Variants in YIPF4 observed in about 807,000 individuals in gnomAD.
YIPF4 encodes the protein protein YIPF4.
Under a neutral mutation model 29.4 loss-of-function variants are expected in YIPF4, and 18 were observed. The observed-to-expected ratio is 0.61, with a 90% CI of 0.42 to 0.91. The LOEUF is 0.91. Ranked by LOEUF, YIPF4 falls within the 40% of genes least tolerant of loss-of-function variation. YIPF4 has a pLI of 0.00. For missense variants in YIPF4, 279 were observed against 282.7 expected (o/e 0.99, Z 0.09); for synonymous variants, 115 against 104.7 (o/e 1.10, Z -0.60).
chr2:32,303,968 C>T (rs2031490229), intron 5 of YIPF4, among the ~76,000 whole-genome samples: 2 of 152,072 alleles, frequency 1.3e-5, no homozygotes, highest in African/African-American at 4.8e-5. Flanking sequence ...AACTATTGTT[C>T]TGTGGTCATC....
intron 2 of YIPF4, among the ~76,000 whole-genome samples, chr2:32,291,284 C>G (rs565795040): frequency 6.6e-6 from 1 of 152,202 alleles, no homozygotes; most frequent in Admixed American, 6.5e-5. Flanking sequence ...CCAGTAATCC[C>G]GGCACTTTGG....
At chr2:32,298,415 A>G (rs1233773855) in intron 4 of YIPF4, 104 bp downstream of exon 4, 2 of 814,882 alleles carry the variant, frequency 2.5e-6, no homozygotes, top group Non-Finnish European at 3.9e-6. Flanking sequence ...CTTGTCCCAG[A>G]ATTGCTTTAT....
At chr2:32,278,333 C>G in intron 1 of YIPF4, 99 bp downstream of exon 1, 1 of 1,240,358 alleles carries the variant, frequency 8.1e-7, no homozygotes, top group Non-Finnish European at 1.1e-6. Context: ...CGGGTGGGGA[C>G]AGGCAGGAAG....
chr2:32,287,649 C>T (rs1181467809), intron 1 of YIPF4, among the ~76,000 whole-genome samples: 1 of 152,058 alleles, frequency 6.6e-6, no homozygotes, highest in East Asian at 1.9e-4. Context: ...AGAGAAAGGA[C>T]CCCATACCCA....
chr2:32,294,387 C>T lies in YIPF4; in HGVS notation c.405+2039C>T, dbSNP rs191980774. 1.8e-3 allele frequency among the ~76,000 whole-genome samples: 280 copies of T among 151,682 alleles called. 2 individuals are homozygous for T. The East Asian group carries it at 0.032, about 17-fold the overall frequency. ...GCAGAGATGCTCCTCACCTCCCAGA[C>T]GTGGTCGCGGCCGAGCAGAGGCGCT... On this transcript the variant is annotated intron_variant, in intron 3 of 5. Coordinates refer to ENST00000238831, the MANE Select transcript of YIPF4 (RefSeq NM_032312.4).
At position 32,309,575 on chromosome 2, in the gene YIPF4, A is replaced by G. The variant is rs1280267413; in HGVS notation, c.*3949A>G. Reference sequence around the variant, plus strand: ...TGTTGAATGAAATAATGCTTCTACAACTTAAAATTATTTTTCATAGTGAAC... The same window carrying G: ...TGTTGAATGAAATAATGCTTCTACAGCTTAAAATTATTTTTCATAGTGAAC... On this transcript the variant is annotated 3_prime_UTR_variant, in exon 6 of 6. Transcript: ENST00000238831. 1 of 152,220 alleles carries G rather than the reference A, an allele frequency of 6.6e-6. No individual in the cohort carries two copies. The highest frequency in any genetic ancestry group is 1.5e-5 in the Non-Finnish European group (1 of 68,038). 9.4% of individuals were successfully genotyped at this position (152,220 alleles called of 1,614,324 possible). A position where few individuals can be genotyped will look rare whatever the true frequency, so the allele number is the denominator to read the frequency against.
chr2:32,293,701 CGGCTGGCCGGGCGGGG>C (rs1249183441), intron 3 of YIPF4, among the ~76,000 whole-genome samples: 1 of 151,262 alleles, frequency 6.6e-6, no homozygotes, highest in Non-Finnish European at 1.5e-5. Flanking sequence ...CCGGAAGGGG[CGGCTGGCCGGGCGGGG>C]GGCTGACCCC....
intron 5 of YIPF4, among the ~76,000 whole-genome samples, chr2:32,304,587 T>C (rs2031514433): frequency 1.3e-5 from 2 of 152,122 alleles, no homozygotes; most frequent in African/African-American, 4.8e-5. Context: ...TTTTGAGGAG[T>C]GTGACTAGTA....
chr2:32,282,724 GC>G (rs2030482057), intron 1 of YIPF4, among the ~76,000 whole-genome samples: 1 of 151,866 alleles, frequency 6.6e-6, no homozygotes, highest in African/African-American at 2.4e-5. Context: ...GAGCCACTGT[GC>G]CCCGCCAACT....
At chr2:32,289,627 C>A (rs1351506292) in intron 1 of YIPF4, among the ~76,000 whole-genome samples, 1 of 152,018 alleles carries the variant, frequency 6.6e-6, no homozygotes, top group Non-Finnish European at 1.5e-5. Flanking sequence ...CCCTATGTGA[C>A]CTCAGGCAAA....
At position 32,306,478 on chromosome 2, in the gene YIPF4, C is replaced by T. The variant is rs2031585613; in HGVS notation, c.*852C>T. 3.1e-6 allele frequency: 3 copies of T among 983,416 alleles called. No individual in the cohort carries two copies. The South Asian group carries it at 1.4e-4, about 46-fold the overall frequency. The allele number at this position is 983,416 out of a possible 1,614,324, so 60.9% of individuals were successfully genotyped here. Reference sequence around the variant, plus strand: ...CAGTAAATATTTTTAAGTGGTACTTCTAAATCATAAAAGTTGGGGAAAGAG... The same window carrying T: ...CAGTAAATATTTTTAAGTGGTACTTTTAAATCATAAAAGTTGGGGAAAGAG... On this transcript the variant is annotated 3_prime_UTR_variant, in exon 6 of 6. Transcript: ENST00000238831.
At chr2:32,295,844 C>A (rs1178749789) in intron 3 of YIPF4, among the ~76,000 whole-genome samples, 1 of 152,148 alleles carries the variant, frequency 6.6e-6, no homozygotes, top group African/African-American at 2.4e-5. Context: ...CTCAGGTGAT[C>A]CACCTACCTT....
rs1323511708 is a variant in YIPF4 at position 32,292,265 on chromosome 2, G to A, written c.322G>A (p.Val108Met). 6.2e-6 allele frequency: 10 copies of A among 1,606,280 alleles called. No homozygotes were observed. The highest frequency in any genetic ancestry group is 1.7e-4 in the Middle Eastern group (1 of 6,018). The change falls in exon 3 of 6, where the codon GTG (valine) becomes ATG (methionine). Residue 108 changes from valine to methionine, a missense_variant. Transcript: ENST00000238831. ...PMPSLGFNRQVVRDNPDFWGP... is the reference protein window; with the variant it reads ...PMPSLGFNRQMVRDNPDFWGP... Reference sequence around the variant, plus strand: ...GCCATCACTTGGTTTTAATAGACAAGTGGTGAGAGACAATCCTGACTTTTG... The same window carrying A: ...GCCATCACTTGGTTTTAATAGACAAATGGTGAGAGACAATCCTGACTTTTG...
intron 3 of YIPF4, among the ~76,000 whole-genome samples, chr2:32,293,064 T>A (rs1467835700): frequency 1.3e-5 from 2 of 150,938 alleles, no homozygotes; most frequent in South Asian, 4.2e-4. Context: ...TTTTATTTTT[T>A]TATTTTTATT....
At chr2:32,294,891 C>T (rs1039064989) in intron 3 of YIPF4, among the ~76,000 whole-genome samples, 6 of 152,190 alleles carry the variant, frequency 3.9e-5, no homozygotes, top group Admixed American at 3.3e-4. Context: ...ACAGCGAAAC[C>T]CCGTCTCCAC....
chr2:32,278,991 T>C (rs879730141), intron 1 of YIPF4, among the ~76,000 whole-genome samples: 31 of 152,208 alleles, frequency 2.0e-4, no homozygotes, highest in African/African-American at 7.5e-4. Flanking sequence ...TTTTTTTTTT[T>C]TTCTTGAGCT....
Position 32,292,198 on chromosome 2 carries a change from A to C in YIPF4, c.255A>C (p.Leu85=). The part of the protein sequence containing the change: ...KPLLEELDID[L]KDIYYKIRCV... ...ATAGGGAAGAATTGGACATTGATCT[A>C]AAGGATATTTACTACAAAATCCGAT... The change falls in exon 3 of 6, where the codon CTA becomes CTC. Residue 85 remains leucine, a synonymous_variant. Coordinates refer to ENST00000238831, the MANE Select transcript of YIPF4 (RefSeq NM_032312.4). The C allele has an allele frequency of 1.3e-6, 2 of 1,559,502 alleles. No homozygotes were observed. Among genetic ancestry groups the C allele is most frequent in the Non-Finnish European group, 1.7e-6 (2 of 1,153,564 alleles).
In YIPF4 at chr2:32,312,072, A is replaced by T. The variant is rs2031724912; in HGVS notation, c.*6446A>T. The T allele has an allele frequency of 6.6e-6, 1 of 152,212 alleles. No individual in the cohort carries two copies. Among genetic ancestry groups the T allele is most frequent in the African/African-American group, 2.4e-5 (1 of 41,452 alleles). The allele number at this position is 152,212 out of a possible 1,614,324, so 9.4% of individuals were successfully genotyped here. A position where few individuals can be genotyped will look rare whatever the true frequency, so the allele number is the denominator to read the frequency against. On this transcript the variant is annotated 3_prime_UTR_variant, in exon 6 of 6. Coordinates refer to ENST00000238831, the MANE Select transcript of YIPF4 (RefSeq NM_032312.4). ...TTATGGAGAATTACTTCATGTGATA[A>T]TTATAGTCTCTTCATGGAAAACAGT...
At chr2:32,299,783 G>T (rs1385170728) in intron 4 of YIPF4, among the ~76,000 whole-genome samples, 3 of 152,172 alleles carry the variant, frequency 2.0e-5, no homozygotes, top group African/African-American at 7.2e-5. Flanking sequence ...CTGCACTGTA[G>T]CCTGGCCGAC....
Sources: allele counts gnomAD v4.1 joint callset (sites outside exome capture counted in the v4.1 genomes callset), GRCh38; gene constraint gnomAD v4.1.1; transcripts MANE v1.5; gene names NCBI Gene and HGNC (gene_info 2026-07-23, HGNC 2026-07-21).